Variants in CSMD1 observed in about 807,000 individuals in gnomAD.
The protein encoded by CSMD1 is CUB and sushi domain-containing protein 1.
A neutral mutation model predicts 417.5 loss-of-function variants in CSMD1; 213 were observed. The observed-to-expected ratio is 0.51, with a 90% CI of 0.46 to 0.57. The LOEUF (loss-of-function observed/expected upper bound fraction) is 0.57. Among genes scored for constraint, CSMD1 ranks in the 20% least tolerant of loss-of-function variants. The probability of loss-of-function intolerance (pLI) is 0.00; values close to 1 mark genes in which losing one functional copy is unlikely to be tolerated. For missense variants in CSMD1, 6,923 were observed against 4,529.7 expected (o/e 1.53, Z -15.17); for synonymous variants, 2,862 against 1,736.8 (o/e 1.65, Z -16.11).
At chr8:3,586,052 C>T (rs573309285) in intron 9 of CSMD1, 84 bp downstream of exon 9, 18 of 1,386,410 alleles carry the variant, frequency 1.3e-5, no homozygotes, top group Non-Finnish European at 1.8e-5. Flanking sequence ...ATACACAATG[C>T]TTCATGCTTA....
intron 2 of CSMD1, among the ~76,000 whole-genome samples, chr8:4,538,184 T>C (rs1283247473): frequency 1.6e-5 from 2 of 124,900 alleles, no homozygotes; most frequent in Non-Finnish European, 3.3e-5. Context: ...CAACTGGAGG[T>C]GGCTACATTT....
chr8:3,503,795 C>T (rs943382934), intron 10 of CSMD1, among the ~76,000 whole-genome samples: 6 of 151,938 alleles, frequency 3.9e-5, no homozygotes, highest in South Asian at 2.1e-4. Flanking sequence ...AAGCAGCCCC[C>T]CTCTTTCCTT....
intron 2 of CSMD1, among the ~76,000 whole-genome samples, chr8:4,503,769 G>A (rs999418197): frequency 1.3e-5 from 2 of 151,954 alleles, no homozygotes; most frequent in East Asian, 3.9e-4. Flanking sequence ...CCTATGTCTC[G>A]GGAACTATCA....
chr8:4,963,294 G>A (rs1291506938), intron 1 of CSMD1, among the ~76,000 whole-genome samples: 1 of 152,146 alleles, frequency 6.6e-6, no homozygotes, highest in Non-Finnish European at 1.5e-5. Context: ...TCCACCTCCG[G>A]GGTTCAAGCA....
At chr8:3,229,958 A>C in intron 27 of CSMD1, 82 bp downstream of exon 27, 1 of 975,218 alleles carries the variant, frequency 1.0e-6, no homozygotes, top group East Asian at 2.6e-5. Flanking sequence ...TTTCTGAAGA[A>C]ATAATACATT....
chr8:4,589,275 G>C (rs980759400), intron 2 of CSMD1, among the ~76,000 whole-genome samples: 3 of 152,028 alleles, frequency 2.0e-5, no homozygotes, highest in Admixed American at 6.5e-5. Context: ...TTTGTGTTTT[G>C]CCTCTGCATA....
At chr8:3,448,936 A>G (rs7007616) in intron 12 of CSMD1, among the ~76,000 whole-genome samples, 86,062 of 152,174 alleles carry the variant, frequency 0.57, 27,894 homozygotes, top group African/African-American at 0.87. Context: ...TTCCCCCAAG[A>G]GTAAATGTAG....
At chr8:3,557,004 C>G (rs1563150615) in intron 10 of CSMD1, among the ~76,000 whole-genome samples, 1 of 152,188 alleles carries the variant, frequency 6.6e-6, no homozygotes, top group East Asian at 1.9e-4. Context: ...GCAGTATCCT[C>G]TTTGTAATCT....
chr8:4,056,656 G>C (rs888589585), intron 3 of CSMD1, among the ~76,000 whole-genome samples: 1 of 151,740 alleles, frequency 6.6e-6, no homozygotes, highest in East Asian at 1.9e-4. Flanking sequence ...TTTAGCATTA[G>C]GTATATCTCC....
intron 56 of CSMD1, 40 bp downstream of exon 56, chr8:2,974,411 G>T: frequency 6.9e-7 from 1 of 1,453,554 alleles, no homozygotes; most frequent in South Asian, 1.5e-5. Flanking sequence ...AAAGTTATTT[G>T]AAATCTGTAA....
rs75981113 is a variant in CSMD1 at position 3,637,847 on chromosome 8, A to G, written c.1010-21050T>C. On this transcript the variant is annotated intron_variant, in intron 7 of 69. Transcript: ENST00000635120. ...GGCCAGTATTTCTTGTGCTGTTCCT[A>G]TGGTAGTGAATAAGTCTCACAAGAT... Among the ~76,000 whole-genome samples the G allele has an allele frequency of 8.1e-3, 1,237 of 152,206 alleles. 17 individuals carry two copies. The highest frequency in any genetic ancestry group is 0.028 in the African/African-American group (1,183 of 41,518).
intron 10 of CSMD1, among the ~76,000 whole-genome samples, chr8:3,499,387 G>A (rs778053698): frequency 6.6e-6 from 1 of 152,100 alleles, no homozygotes; most frequent in Non-Finnish European, 1.5e-5. Flanking sequence ...GGTCACATGA[G>A]CCATCTCTGC....
chr8:3,596,678 C>T (rs1275644919), intron 8 of CSMD1, among the ~76,000 whole-genome samples: 3 of 151,910 alleles, frequency 2.0e-5, no homozygotes, highest in Non-Finnish European at 2.9e-5. Flanking sequence ...TGTAATTGAC[C>T]AGCAACCACA....
chr8:3,865,280 C>A (rs984679947), intron 5 of CSMD1, among the ~76,000 whole-genome samples: 2 of 152,196 alleles, frequency 1.3e-5, no homozygotes, highest in African/African-American at 4.8e-5. Context: ...TGCCTCACAT[C>A]TCAGAGAGCG....
chr8:3,502,517 T>C (rs1187356939), intron 10 of CSMD1, among the ~76,000 whole-genome samples: 2 of 152,102 alleles, frequency 1.3e-5, no homozygotes, highest in Non-Finnish European at 2.9e-5. Context: ...GACAGTGGAA[T>C]ATTATTCAGG....
chr8:3,235,669 A>C (rs1343130728), intron 26 of CSMD1, among the ~76,000 whole-genome samples: 1 of 152,220 alleles, frequency 6.6e-6, no homozygotes, highest in African/African-American at 2.4e-5. Flanking sequence ...ATAGAAGTCC[A>C]CAGAATATCA....
At chr8:3,874,560 T>A (rs977296836) in intron 5 of CSMD1, among the ~76,000 whole-genome samples, 1 of 152,188 alleles carries the variant, frequency 6.6e-6, no homozygotes, top group African/African-American at 2.4e-5. Context: ...TAGGGAGATG[T>A]TGCTGCCTCT....
chr8:4,043,924 A>G (rs1798019385), intron 3 of CSMD1, among the ~76,000 whole-genome samples: 1 of 152,178 alleles, frequency 6.6e-6, no homozygotes, highest in Non-Finnish European at 1.5e-5. Flanking sequence ...TAGACCTATG[A>G]TATTTCCACC....
intron 1 of CSMD1, among the ~76,000 whole-genome samples, chr8:4,779,986 GCAAA>G (rs1797070571): frequency 6.6e-6 from 1 of 151,540 alleles, no homozygotes; most frequent in Non-Finnish European, 1.5e-5. Context: ...TGGCTTTTCA[GCAAA>G]CATTCTTTTC....
Sources: allele counts gnomAD v4.1 joint callset (sites outside exome capture counted in the v4.1 genomes callset), GRCh38; gene constraint gnomAD v4.1.1; transcripts MANE v1.5; gene names NCBI Gene and HGNC (gene_info 2026-07-23, HGNC 2026-07-21).